AKAIN1: variants seen among roughly 807,000 people sequenced by gnomAD.
The protein encoded by AKAIN1 is A-kinase anchor protein inhibitor 1.
In AKAIN1, 3 loss-of-function variants were observed where a neutral mutation model predicts 3.7. That is an observed-to-expected ratio of 0.82 (90% CI 0.37 to 2.12). The LOEUF is 2.12. AKAIN1 is among the 30% of genes most tolerant of loss of function. AKAIN1 has a pLI of 0.06. For synonymous variants in AKAIN1, 31 were observed against 30.8 expected, an observed-to-expected ratio of 1.01 and a Z score of -0.02; for missense variants, 82 against 82.7, an observed-to-expected ratio of 0.99 and a Z score of 0.03.
At chr18:5,149,573 C>A (rs535731612) in intron 1 of AKAIN1, among the ~76,000 whole-genome samples, 1 of 152,328 alleles carries the variant, frequency 6.6e-6, no homozygotes, top group East Asian at 1.9e-4. Context: ...ACCAACCAAG[C>A]ACCTCTCCGC....
intron 1 of AKAIN1, among the ~76,000 whole-genome samples, chr18:5,150,652 T>C (rs1327867951): frequency 2.6e-5 from 4 of 152,136 alleles, no homozygotes; most frequent in African/African-American, 9.7e-5. Flanking sequence ...TGCTCCCCCA[T>C]GGGGATCCGG....
At chr18:5,190,291 G>T (rs1244924811) in intron 1 of AKAIN1, among the ~76,000 whole-genome samples, 2 of 152,074 alleles carry the variant, frequency 1.3e-5, no homozygotes, top group Non-Finnish European at 2.9e-5. Context: ...CATGAGTTTT[G>T]CAGGGGCTAT....
At chr18:5,175,858 A>T (rs543869364) in intron 1 of AKAIN1, among the ~76,000 whole-genome samples, 2 of 152,268 alleles carry the variant, frequency 1.3e-5, no homozygotes, top group Middle Eastern at 6.8e-3. Flanking sequence ...ATTTCAAAAC[A>T]CCATGATATG....
chr18:5,171,926 T>G (rs1479966733), intron 1 of AKAIN1, among the ~76,000 whole-genome samples: 1 of 152,078 alleles, frequency 6.6e-6, no homozygotes, highest in Non-Finnish European at 1.5e-5. Flanking sequence ...AAAGCCAAGA[T>G]TTGGAAGCAA....
chr18:5,189,557 G>A (rs2071307207), intron 1 of AKAIN1, among the ~76,000 whole-genome samples: 1 of 152,042 alleles, frequency 6.6e-6, no homozygotes, highest in African/African-American at 2.4e-5. Flanking sequence ...TCTGCATTCT[G>A]TAAAGCTCTC....
intron 1 of AKAIN1, among the ~76,000 whole-genome samples, chr18:5,150,436 C>T (rs1202181310): frequency 1.3e-5 from 2 of 152,166 alleles, no homozygotes; most frequent in Non-Finnish European, 2.9e-5. Flanking sequence ...GCCTAATTAG[C>T]ATTTACAACA....
chr18:5,171,190 A>G (rs1473740102), intron 1 of AKAIN1, among the ~76,000 whole-genome samples: 2 of 152,188 alleles, frequency 1.3e-5, no homozygotes, highest in African/African-American at 4.8e-5. Context: ...GGAAACTGAG[A>G]CAAAGAAAGT....
intron 1 of AKAIN1, among the ~76,000 whole-genome samples, chr18:5,147,969 A>C (rs1228438986): frequency 6.6e-6 from 1 of 152,232 alleles, no homozygotes; most frequent in Non-Finnish European, 1.5e-5. Flanking sequence ...TGCCACTTGC[A>C]TTCATGCAAT....
intron 1 of AKAIN1, among the ~76,000 whole-genome samples, chr18:5,179,589 A>G (rs1285784394): frequency 1.3e-5 from 2 of 152,158 alleles, no homozygotes; most frequent in African/African-American, 4.8e-5. Context: ...CTTTAGGTAG[A>G]TACCCAGTAG....
chr18:5,171,514 A>T (rs1381993760), intron 1 of AKAIN1, among the ~76,000 whole-genome samples: 1 of 152,146 alleles, frequency 6.6e-6, no homozygotes, highest in Admixed American at 6.5e-5. Flanking sequence ...ATAATCCAAT[A>T]AAAAATGGGC....
At chr18:5,167,715 G>A (rs930274916) in intron 1 of AKAIN1, among the ~76,000 whole-genome samples, 2 of 151,764 alleles carry the variant, frequency 1.3e-5, no homozygotes, top group African/African-American at 2.4e-5. Flanking sequence ...TTTATTTTTC[G>A]CTAGTCTAGT....
intron 1 of AKAIN1, among the ~76,000 whole-genome samples, chr18:5,146,932 C>T (rs2071052778): frequency 6.6e-6 from 1 of 152,210 alleles, no homozygotes; most frequent in Non-Finnish European, 1.5e-5. Flanking sequence ...GCAAGGCAGT[C>T]TACCCAGCAC....
chr18:5,155,593 T>C (rs1229645099), intron 1 of AKAIN1, among the ~76,000 whole-genome samples: 1 of 152,098 alleles, frequency 6.6e-6, no homozygotes, highest in Non-Finnish European at 1.5e-5. Context: ...CCTTTCCAAA[T>C]GTATGAACCG....
intron 1 of AKAIN1, among the ~76,000 whole-genome samples, chr18:5,189,301 C>A (rs1445053683): frequency 6.6e-6 from 1 of 152,170 alleles, no homozygotes; most frequent in Admixed American, 6.5e-5. Flanking sequence ...TAGCACCTGG[C>A]ATCCTTCTAT....
chr18:5,179,614 C>T (rs976435361), intron 1 of AKAIN1, among the ~76,000 whole-genome samples: 2 of 151,946 alleles, frequency 1.3e-5, no homozygotes, highest in Non-Finnish European at 2.9e-5. Flanking sequence ...ATTGCTAGAT[C>T]TAATGGTAGT....
chr18:5,193,211 A>G (rs2071331501), intron 1 of AKAIN1, among the ~76,000 whole-genome samples: 1 of 152,202 alleles, frequency 6.6e-6, no homozygotes, highest in African/African-American at 2.4e-5. Flanking sequence ...AGATGTCAAG[A>G]GACTGGCTGT....
At chr18:5,195,053 G>GAGA (rs2071340037) in intron 1 of AKAIN1, among the ~76,000 whole-genome samples, 2 of 152,110 alleles carry the variant, frequency 1.3e-5, no homozygotes, top group South Asian at 4.1e-4. Flanking sequence ...ATCCATAGAT[G>GAGA]AGAAGGTAAG....
At chr18:5,195,062 A>C (rs1324591444) in intron 1 of AKAIN1, among the ~76,000 whole-genome samples, 1 of 152,200 alleles carries the variant, frequency 6.6e-6, no homozygotes, top group Non-Finnish European at 1.5e-5. Context: ...TGAGAAGGTA[A>C]GTTGACACAG....
At chr18:5,147,529 C>T (rs1490782800) in intron 1 of AKAIN1, among the ~76,000 whole-genome samples, 2 of 152,056 alleles carry the variant, frequency 1.3e-5, no homozygotes, top group Non-Finnish European at 2.9e-5. Flanking sequence ...ATGCTCACTA[C>T]CATGAAGATG....
Sources: gnomAD v4.1 joint callset for allele counts (sites outside exome capture counted in the v4.1 genomes callset) on GRCh38, gnomAD v4.1.1 for gene constraint, MANE v1.5 for transcripts, NCBI Gene and HGNC (gene_info 2026-07-23, HGNC 2026-07-21) for gene names.